PIK3R3: variants seen among roughly 807,000 people sequenced by gnomAD.
PIK3R3 encodes the protein phosphatidylinositol 3-kinase regulatory subunit gamma.
PIK3R3 carries 64 observed loss-of-function variants against 62.9 expected under a neutral mutation model. The observed-to-expected ratio is 1.02, with a 90% CI of 0.83 to 1.25. PIK3R3 has a LOEUF of 1.25. Among genes scored for constraint, PIK3R3 ranks in the 50% most tolerant of loss-of-function variants. PIK3R3 has a pLI of 0.00. For missense variants in PIK3R3, 614 were observed against 561.6 expected (o/e 1.09, Z -0.94); for synonymous variants, 165 against 189.0 (o/e 0.87, Z 1.04).
intron 4 of PIK3R3, among the ~76,000 whole-genome samples, chr1:46,066,596 G>A (rs1251550851): frequency 6.6e-6 from 1 of 152,156 alleles, no homozygotes; most frequent in Non-Finnish European, 1.5e-5. Flanking sequence ...AAAGTGAGAT[G>A]ACTGCTTGAG....
the PIK3R3 span, among the ~76,000 whole-genome samples, chr1:46,162,295 C>T: frequency 1.3e-5 from 2 of 151,844 alleles, no homozygotes; most frequent in African/African-American, 4.8e-5. Flanking sequence ...CCAGCCTGGA[C>T]AACATGGCAA....
chr1:46,173,234 A>G, the PIK3R3 span, among the ~76,000 whole-genome samples: 1 of 152,212 alleles, frequency 6.6e-6, no homozygotes, highest in African/African-American at 2.4e-5. Context: ...AAGGAAGAAC[A>G]GAGAGAGGCA....
intron 7 of PIK3R3, among the ~76,000 whole-genome samples, chr1:46,053,773 A>G (rs1040625574): frequency 6.6e-6 from 1 of 152,096 alleles, no homozygotes; most frequent in African/African-American, 2.4e-5. Flanking sequence ...ACACTTATTC[A>G]CGCCCCTTGG....
chr1:46,153,924 C>T, the PIK3R3 span, among the ~76,000 whole-genome samples: 112 of 152,108 alleles, frequency 7.4e-4, 1 homozygote, highest in Admixed American at 4.0e-3. Context: ...GATAACTTTT[C>T]CTGGAGAGGA....
intron 1 of PIK3R3, among the ~76,000 whole-genome samples, chr1:46,104,757 T>C (rs1653025957): frequency 6.6e-6 from 1 of 151,548 alleles, no homozygotes; most frequent in Admixed American, 6.6e-5. Flanking sequence ...GGAGAAACCC[T>C]GTCTCTACTA....
chr1:46,101,980 C>CTTTTTTTTTTTTTTTTTT (rs538688681), intron 1 of PIK3R3, among the ~76,000 whole-genome samples: 1 of 89,930 alleles, frequency 1.1e-5, no homozygotes, highest in Non-Finnish European at 2.0e-5. Flanking sequence ...GAATTGTATA[C>CTTTTTTTTTTTTTTTTTT]TTTTTTTTTT....
chr1:46,164,478 T>C, the PIK3R3 span, among the ~76,000 whole-genome samples: 1 of 152,058 alleles, frequency 6.6e-6, no homozygotes, highest in African/African-American at 2.4e-5. Context: ...AGGGAGCTTA[T>C]CTCCTGCTTC....
In PIK3R3 at chr1:46,042,824, A is replaced by G. The variant is rs41285906; in HGVS notation, c.*849T>C. The G allele has an allele frequency of 4.1e-3, 799 of 195,948 alleles. 3 individuals carry two copies. Among genetic ancestry groups the G allele is most frequent in the Admixed American group, 6.8e-3 (112 of 16,508 alleles). 12.1% of individuals were successfully genotyped at this position (195,948 alleles called of 1,614,324 possible). A position where few individuals can be genotyped will look rare whatever the true frequency, so the allele number is the denominator to read the frequency against. ...ATTCAAAGCTCACCATCCCCACAAA[A>G]AGAATGCTATTCCTCATCTCAGAGA... On this transcript the variant is annotated 3_prime_UTR_variant, in exon 10 of 10. Coordinates refer to ENST00000262741, the MANE Select transcript of PIK3R3 (RefSeq NM_003629.4). This position sits in a 1 kb window ranked among gnomAD's most constrained non-coding sequence, Gnocchi z 4.3.
Position 46,057,941 on chromosome 1 carries a change from G to T in PIK3R3, c.765-1970C>A, listed in dbSNP as rs138322582. On this transcript the variant is annotated intron_variant, in intron 6 of 9. Transcript: ENST00000262741. ...AAAGTTAATCCCCAAGACAATGGGG[G>T]AAATGTCTTCAGGGCATGTCAGAGG... Among the ~76,000 whole-genome samples, 123 of 152,322 alleles carry T rather than the reference G, an allele frequency of 8.1e-4. 1 individual carries two copies. The highest frequency in any genetic ancestry group is 2.8e-3 in the African/African-American group (116 of 41,566).
chr1:46,167,870 C>T, the PIK3R3 span, among the ~76,000 whole-genome samples: 8 of 152,258 alleles, frequency 5.3e-5, no homozygotes, highest in Admixed American at 4.6e-4. Context: ...TAAAAACTAC[C>T]TGTGGCCGGG....
chr1:46,050,827 TAA>T (rs1249423232), intron 7 of PIK3R3, among the ~76,000 whole-genome samples: 1 of 152,226 alleles, frequency 6.6e-6, no homozygotes, highest in African/African-American at 2.4e-5. Flanking sequence ...TGATGATGAT[TAA>T]ACAAAATGTG....
At chr1:46,127,447 A>T (rs1394262367) in intron 1 of PIK3R3, among the ~76,000 whole-genome samples, 2 of 151,874 alleles carry the variant, frequency 1.3e-5, no homozygotes, top group Admixed American at 6.6e-5. Context: ...CCATTAATTT[A>T]AAAAGGAAGT....
At position 46,075,632 on chromosome 1, in the gene PIK3R3, A is replaced by G. The variant is rs193052081; in HGVS notation, c.314+1883T>C. Reference sequence around the variant, plus strand: ...GCAATAACCTGTGTTAAAAAAAAAAAAAATTACCTTCCTCTAGAATCATTC... The same window carrying G: ...GCAATAACCTGTGTTAAAAAAAAAAGAAATTACCTTCCTCTAGAATCATTC... On this transcript the variant is annotated intron_variant, in intron 3 of 9. Coordinates refer to ENST00000262741, the MANE Select transcript of PIK3R3 (RefSeq NM_003629.4). Among the ~76,000 whole-genome samples the G allele has an allele frequency of 7.1e-3, 1,083 of 152,124 alleles. 15 individuals are homozygous for G. The highest frequency in any genetic ancestry group is 0.018 in the South Asian group (86 of 4,804).
At chr1:46,134,068 T>C (rs1313554360), upstream of PIK3R3, among the ~76,000 whole-genome samples, 1 of 152,238 alleles carries the variant, frequency 6.6e-6, no homozygotes, top group African/African-American at 2.4e-5. Context: ...TTGTGTCTCC[T>C]GAAGATTGTG....
intron 1 of PIK3R3, among the ~76,000 whole-genome samples, chr1:46,109,991 C>T (rs1228943561): frequency 2.0e-5 from 3 of 152,182 alleles, no homozygotes; most frequent in South Asian, 2.1e-4. Context: ...GCACCTTTCA[C>T]CCTAGATACA....
the PIK3R3 span, among the ~76,000 whole-genome samples, chr1:46,164,399 G>A: frequency 5.9e-5 from 9 of 152,046 alleles, no homozygotes; most frequent in Non-Finnish European, 1.3e-4. Flanking sequence ...TTCATACCAC[G>A]ATCCCTCTCC....
In PIK3R3 at chr1:46,043,266, T is replaced by TC; in HGVS notation, c.*406dup. On this transcript the variant is annotated 3_prime_UTR_variant, in exon 10 of 10. Transcript: ENST00000262741. ...AGAGACTGCCAAAGCAAAACACAAC[T>TC]CCCAGCAGAGCCATGCCCCTGCTGC... The TC allele has an allele frequency of 4.2e-6, 1 of 239,254 alleles. No homozygotes were observed. Among genetic ancestry groups the TC allele is most frequent in the Non-Finnish European group, 8.2e-6 (1 of 121,476 alleles). 14.8% of individuals were successfully genotyped at this position (239,254 alleles called of 1,614,324 possible).
At chr1:46,123,702 G>T (rs750553437) in intron 1 of PIK3R3, among the ~76,000 whole-genome samples, 31 of 152,154 alleles carry the variant, frequency 2.0e-4, no homozygotes, top group Non-Finnish European at 4.1e-4. Flanking sequence ...CTGCTACTTG[G>T]TAAGTTACTA....
intron 1 of PIK3R3, among the ~76,000 whole-genome samples, chr1:46,100,981 C>G (rs1160337633): frequency 6.6e-6 from 1 of 150,818 alleles, no homozygotes; most frequent in South Asian, 2.1e-4. Context: ...CAAGACTAGC[C>G]TAGTCAACAT....
Sources: allele counts gnomAD v4.1 joint callset (sites outside exome capture counted in the v4.1 genomes callset), GRCh38; gene constraint gnomAD v4.1.1; non-coding constraint Gnocchi (gnomAD v3.1); transcripts MANE v1.5; gene names NCBI Gene and HGNC (gene_info 2026-07-23, HGNC 2026-07-21).